Variants in PREX2 observed in about 807,000 individuals in gnomAD.
The protein encoded by PREX2 is phosphatidylinositol 3,4,5-trisphosphate-dependent Rac exchanger 2 protein.
A neutral mutation model predicts 203.2 loss-of-function variants in PREX2; 107 were observed. The observed-to-expected ratio is 0.53, with a 90% confidence interval of 0.45 to 0.62. The LOEUF is 0.62. PREX2 is among the 20% of genes least tolerant of loss of function. PREX2 has a pLI of 0.00. For synonymous variants in PREX2, 672 were observed against 663.6 expected (o/e 1.01, Z -0.19); for missense variants, 1,777 against 1,955.9 (o/e 0.91, Z 1.72).
At chr8:68,059,154 A>G (rs531676072) in intron 10 of PREX2, among the ~76,000 whole-genome samples, 4 of 152,372 alleles carry the variant, frequency 2.6e-5, no homozygotes, top group South Asian at 4.1e-4. Flanking sequence ...CTCTAGCCAA[A>G]AAAAGAAAAC....
intron 2 of PREX2, 150 bp downstream of exon 2, chr8:68,018,067 A>C (rs1285600223): frequency 1.6e-6 from 1 of 635,356 alleles, no homozygotes; most frequent in East Asian, 2.8e-5. Flanking sequence ...AATTTTAAAA[A>C]GGAGAAATAG....
intron 8 of PREX2, among the ~76,000 whole-genome samples, chr8:68,052,472 A>AT (rs1293481324): frequency 4.6e-5 from 7 of 152,176 alleles, no homozygotes; most frequent in Non-Finnish European, 7.4e-5. Flanking sequence ...ATCTTCAAAA[A>AT]TTTTTTTATA....
chr8:68,207,955 T>A (rs573761629), intron 37 of PREX2, among the ~76,000 whole-genome samples: 3 of 152,138 alleles, frequency 2.0e-5, no homozygotes, highest in Non-Finnish European at 2.9e-5. Flanking sequence ...AACTACAAAA[T>A]CATTTAAGTA....
At chr8:68,015,639 C>G (rs1037332950) in intron 1 of PREX2, among the ~76,000 whole-genome samples, 36 of 152,088 alleles carry the variant, frequency 2.4e-4, no homozygotes, top group African/African-American at 8.5e-4. Context: ...TACCTGTTTA[C>G]TATGTGGTCA....
chr8:67,986,378 C>T (rs528749579), intron 1 of PREX2, among the ~76,000 whole-genome samples: 217 of 152,158 alleles, frequency 1.4e-3, no homozygotes, highest in Non-Finnish European at 2.5e-3. Context: ...CTGCTCTTGG[C>T]CAGTACACTA....
chr8:68,063,002 T>C (rs1808903519), intron 11 of PREX2, among the ~76,000 whole-genome samples: 1 of 152,192 alleles, frequency 6.6e-6, no homozygotes. Flanking sequence ...CAGATGATAC[T>C]TATAAATTGT....
At chr8:68,134,723 A>T (rs1473546238) in intron 32 of PREX2, among the ~76,000 whole-genome samples, 1 of 152,254 alleles carries the variant, frequency 6.6e-6, no homozygotes, top group Non-Finnish European at 1.5e-5. Context: ...CAATCTGTTT[A>T]AAATTTGCAT....
At chr8:67,974,426 A>C (rs1207327675) in intron 1 of PREX2, among the ~76,000 whole-genome samples, 1 of 126,522 alleles carries the variant, frequency 7.9e-6, no homozygotes, top group African/African-American at 2.9e-5. Flanking sequence ...AACATTCTTC[A>C]TGTTCTGAAA....
intron 13 of PREX2, 28 bp downstream of exon 13, chr8:68,069,912 A>G: frequency 7.6e-7 from 1 of 1,318,676 alleles, no homozygotes; most frequent in Non-Finnish European, 1.1e-6. Context: ...GTTCTGGGAA[A>G]CTTAAATGGA....
intron 34 of PREX2, 136 bp downstream of exon 34, chr8:68,146,488 G>A: frequency 6.6e-6 from 5 of 756,956 alleles, no homozygotes; most frequent in South Asian, 2.1e-5. Flanking sequence ...TTTGCTTCTG[G>A]GAATGTTTAT....
At chr8:67,967,069 C>T (rs561431136) in intron 1 of PREX2, among the ~76,000 whole-genome samples, 1 of 152,364 alleles carries the variant, frequency 6.6e-6, no homozygotes, top group South Asian at 2.1e-4. Context: ...CAGGCATTCA[C>T]TCTTTTCTGT....
At chr8:68,191,119 T>C (rs566008137) in intron 35 of PREX2, among the ~76,000 whole-genome samples, 2 of 152,170 alleles carry the variant, frequency 1.3e-5, no homozygotes, top group Non-Finnish European at 2.9e-5. Flanking sequence ...TGTGTTGAAA[T>C]AGTCATTACC....
chr8:68,103,311 A>G (rs2129612655), intron 23 of PREX2, among the ~76,000 whole-genome samples: 1 of 152,314 alleles, frequency 6.6e-6, no homozygotes, highest in African/African-American at 2.4e-5. Context: ...TTTTATGCTT[A>G]ATTGAAATAG....
At position 68,153,976 on chromosome 8, in the gene PREX2, T is replaced by G. The variant is rs1811492413; in HGVS notation, c.4232-3346T>G. On this transcript the variant is annotated intron_variant, in intron 34 of 39. Transcript: ENST00000288368. ...ATTATATTAAATTATGTTTACATAC[T>G]TGTTCTTATATAAAATTTGGGACAG... 2.0e-5 allele frequency among the ~76,000 whole-genome samples: 3 copies of G among 152,244 alleles called. No homozygotes were observed. In the South Asian group the frequency reaches 6.2e-4, roughly 32 times the overall value.
intron 6 of PREX2, among the ~76,000 whole-genome samples, chr8:68,036,049 C>A (rs985196785): frequency 6.6e-6 from 1 of 152,100 alleles, no homozygotes; most frequent in East Asian, 1.9e-4. Flanking sequence ...GTCAGTCAAT[C>A]GTACTCTTTT....
At chr8:68,213,360 C>G (rs970373469) in intron 37 of PREX2, among the ~76,000 whole-genome samples, 2 of 152,228 alleles carry the variant, frequency 1.3e-5, no homozygotes, top group East Asian at 3.9e-4. Flanking sequence ...TGCTAAGGCC[C>G]CTCCCAGAAC....
intron 35 of PREX2, among the ~76,000 whole-genome samples, chr8:68,169,963 A>G (rs1811842666): frequency 6.6e-6 from 1 of 152,212 alleles, no homozygotes; most frequent in African/African-American, 2.4e-5. Flanking sequence ...GAAAATATAA[A>G]ACAAGCTGAT....
At chr8:68,069,956 C>G in intron 13 of PREX2, 72 bp downstream of exon 13, 3 of 795,198 alleles carry the variant, frequency 3.8e-6, no homozygotes, top group Non-Finnish European at 6.1e-6. Context: ...AAATATTATT[C>G]AGCCAGAACT....
At position 68,080,388 on chromosome 8, in the gene PREX2, A is replaced by G. The variant is rs1809477233; in HGVS notation, c.1643-55A>G. The G allele has an allele frequency of 5.2e-6, 8 of 1,538,102 alleles. No homozygotes were observed. In the South Asian group the frequency reaches 9.1e-5, roughly 18 times the overall value. ...ATTTGTAAATGTCACTGCTATTGAA[A>G]ATGAGTGCGATTTTTGAATTAGCTG... On this transcript the variant is annotated intron_variant, in intron 15 of 39. Transcript: ENST00000288368.
Sources: gnomAD v4.1 joint callset for allele counts (sites outside exome capture counted in the v4.1 genomes callset) on GRCh38, gnomAD v4.1.1 for gene constraint, MANE v1.5 for transcripts, NCBI Gene and HGNC (gene_info 2026-07-23, HGNC 2026-07-21) for gene names.